EHD1: variants seen among roughly 807,000 people sequenced by gnomAD.
EHD1 encodes the protein EH domain containing 1.
Under a neutral mutation model 39.0 loss-of-function variants are expected in EHD1, and 19 were observed. The observed-to-expected ratio is 0.49, with a 90% CI of 0.34 to 0.72. The LOEUF (loss-of-function observed/expected upper bound fraction) is 0.72, where lower values mean the gene tolerates loss of function less well. EHD1 is among the 30% of genes least tolerant of loss of function. The probability of loss-of-function intolerance (pLI) is 0.01; values close to 1 mark genes in which losing one functional copy is unlikely to be tolerated. For missense variants in EHD1, 542 were observed against 751.5 expected (o/e 0.72, Z 3.26); for synonymous variants, 323 against 331.2 (o/e 0.98, Z 0.27).
chr11:64,858,866 C>T (rs1029298249), intron 3 of EHD1, among the ~76,000 whole-genome samples: 2 of 152,246 alleles, frequency 1.3e-5, no homozygotes, highest in African/African-American at 4.8e-5. Context: ...ATAGGTGCCA[C>T]CAGGCCTGGG....
At chr11:64,865,748 T>C (rs1409246563) in intron 2 of EHD1, among the ~76,000 whole-genome samples, 3 of 152,122 alleles carry the variant, frequency 2.0e-5, no homozygotes, top group African/African-American at 4.8e-5. Flanking sequence ...CCAACGAGCA[T>C]ATGAAAAAAC....
chr11:64,879,460 C>T, upstream of EHD1: 1 of 1,274,284 alleles, frequency 7.8e-7, no homozygotes, highest in Non-Finnish European at 1.1e-6. Flanking sequence ...ATCGGAAATT[C>T]CCTATGTGGG....
At chr11:64,863,105 T>C (rs1943732522) in intron 2 of EHD1, among the ~76,000 whole-genome samples, 1 of 152,084 alleles carries the variant, frequency 6.6e-6, no homozygotes, top group Non-Finnish European at 1.5e-5. Flanking sequence ...GCCACCCAAA[T>C]GTAGGCCGGC....
chr11:64,862,017 C>T (rs1437835927), intron 2 of EHD1, among the ~76,000 whole-genome samples: 3 of 152,170 alleles, frequency 2.0e-5, no homozygotes, highest in Non-Finnish European at 4.4e-5. Context: ...AAGCCATCCC[C>T]CCCACCTTAG....
At chr11:64,869,910 G>A (rs1177620860) in intron 2 of EHD1, among the ~76,000 whole-genome samples, 3 of 152,178 alleles carry the variant, frequency 2.0e-5, no homozygotes, top group African/African-American at 7.2e-5. Flanking sequence ...CCTCTGGGCC[G>A]GAGGGCTCAG....
chr11:64,858,112 G>C (rs1943673693), intron 3 of EHD1, among the ~76,000 whole-genome samples: 1 of 151,094 alleles, frequency 6.6e-6, no homozygotes, highest in Non-Finnish European at 1.5e-5. Flanking sequence ...GGCCTTAAGG[G>C]ATCCTCCTGC....
intron 4 of EHD1, 94 bp downstream of exon 4, chr11:64,855,228 C>G: frequency 1.3e-5 from 20 of 1,495,596 alleles, no homozygotes; most frequent in Non-Finnish European, 1.8e-5. Context: ...AGGCCCTTCC[C>G]CATGGAGATG....
At position 64,854,618 on chromosome 11, in the gene EHD1, C is replaced by A. The variant is rs968691483; in HGVS notation, c.1320G>T (p.Val440=). The A allele has an allele frequency of 6.2e-7, 1 of 1,613,934 alleles. No homozygotes were observed. Among genetic ancestry groups the A allele is most frequent in the Non-Finnish European group, 8.5e-7 (1 of 1,179,980 alleles). ...CGTAGGTGGGCTTGTCCTTGCCCAC[C>A]ACCCACTCCACGTCGTCGATGCCCT... ...AGEGIDDVEW[V]VGKDKPTYDE... is the part of the protein sequence containing the mutation. Residue 440 remains valine (V), a synonymous_variant, in exon 5 of 5, where the codon GTG becomes GTT. Transcript: ENST00000320631.
In EHD1 at chr11:64,859,765, G is replaced by A. The variant is rs1034419618; in HGVS notation, c.915+159C>T. 1.0e-5 allele frequency: 11 copies of A among 1,072,626 alleles called. No homozygotes were observed. The Admixed American group carries it at 1.7e-4, about 17-fold the overall frequency. 66.4% of individuals were successfully genotyped at this position (1,072,626 alleles called of 1,614,324 possible). On this transcript the variant is annotated intron_variant, in intron 3 of 4. Coordinates refer to ENST00000320631, the MANE Select transcript of EHD1 (RefSeq NM_006795.4). ...TAAGAGCAGGCTGCACGCGGGTGCTGACCAAAGACTGGTTTCTATAGAGGG... is the reference window on the plus strand; with the variant it reads ...TAAGAGCAGGCTGCACGCGGGTGCTAACCAAAGACTGGTTTCTATAGAGGG...
chr11:64,856,200 C>G (rs1943651691), intron 3 of EHD1: 2 of 153,540 alleles, frequency 1.3e-5, no homozygotes, highest in Admixed American at 1.3e-4. Flanking sequence ...TTCTGTTTCT[C>G]TGCAAGCCCC....
intron 3 of EHD1, 83 bp downstream of exon 3, chr11:64,859,841 G>T: frequency 6.6e-7 from 1 of 1,511,832 alleles, no homozygotes; most frequent in African/African-American, 1.4e-5. Flanking sequence ...AGGGTCTCGG[G>T]CAATCCTGGG....
At chr11:64,862,081 A>T (rs528116672) in intron 2 of EHD1, among the ~76,000 whole-genome samples, 1 of 151,968 alleles carries the variant, frequency 6.6e-6, no homozygotes, top group African/African-American at 2.4e-5. Flanking sequence ...GCTAATTTTT[A>T]AATTTTTATT....
In EHD1 at chr11:64,878,595, AG is replaced by A; in HGVS notation, c.-132del. On this transcript the variant is annotated 5_prime_UTR_variant, in exon 1 of 5. Transcript: ENST00000320631. Reference sequence around the variant, plus strand: ...CCCACACTGCGCAGGCGCACAGCCCAGCCCGTCGAAGCGCCCTCTGCCGAAT... The same window carrying A: ...CCCACACTGCGCAGGCGCACAGCCCACCCGTCGAAGCGCCCTCTGCCGAAT... 3 of 1,427,456 alleles carry A rather than the reference AG, an allele frequency of 2.1e-6. No homozygotes were observed. The highest frequency in any genetic ancestry group is 9.1e-7 in the Non-Finnish European group (1 of 1,096,574). 88.4% of individuals were successfully genotyped at this position (1,427,456 alleles called of 1,614,324 possible). A position where few individuals can be genotyped will look rare whatever the true frequency, so the allele number is the denominator to read the frequency against.
chr11:64,878,954 C>T (rs1943924332), upstream of EHD1: 22 of 1,007,792 alleles, frequency 2.2e-5, no homozygotes, highest in Non-Finnish European at 2.5e-5. Flanking sequence ...GTGGCCCCCC[C>T]ACACCCCCGC....
intron 3 of EHD1, among the ~76,000 whole-genome samples, chr11:64,857,480 C>T (rs1334422606): frequency 6.6e-6 from 1 of 152,174 alleles, no homozygotes; most frequent in Admixed American, 6.5e-5. Flanking sequence ...ACGCAGCCCT[C>T]TGTCCTCCAG....
intron 2 of EHD1, among the ~76,000 whole-genome samples, chr11:64,873,184 G>C (rs1943848527): frequency 2.0e-5 from 3 of 152,222 alleles, no homozygotes; most frequent in Non-Finnish European, 4.4e-5. Flanking sequence ...GCAGAATCTA[G>C]GCAGGAGTTT....
Position 64,868,672 on chromosome 11 carries a change from G to A in EHD1, c.502+5749C>T, listed in dbSNP as rs1471407874. Among the ~76,000 whole-genome samples the A allele has an allele frequency of 6.6e-6, 1 of 152,254 alleles. No homozygotes were observed. The highest frequency in any genetic ancestry group is 1.5e-5 in the Non-Finnish European group (1 of 68,046). On this transcript the variant is annotated intron_variant, in intron 2 of 4. Coordinates refer to ENST00000320631, the MANE Select transcript of EHD1 (RefSeq NM_006795.4). This position sits in a 1 kb window ranked among gnomAD's most constrained non-coding sequence, Gnocchi z 4.2. Reference sequence around the variant, plus strand: ...TGCCTGGGACCAGGAGTGACTATGAGGGGCACGGGAACTTTCAGGCGATGG... The same window carrying A: ...TGCCTGGGACCAGGAGTGACTATGAAGGGCACGGGAACTTTCAGGCGATGG...
chr11:64,872,638 C>G (rs1346324039), intron 2 of EHD1, among the ~76,000 whole-genome samples: 1 of 151,118 alleles, frequency 6.6e-6, no homozygotes, highest in Non-Finnish European at 1.5e-5. Context: ...ACTCCCTTAA[C>G]TCCTAGGTGC....
chr11:64,853,380 G>A lies in EHD1; in HGVS notation c.*953C>T, dbSNP rs1943604698. On this transcript the variant is annotated 3_prime_UTR_variant, in exon 5 of 5. Transcript: ENST00000320631. ...CCACCCACCACCACCTCCCACTGTG[G>A]AGGGTGCGTCCCAAAGCTCCAGTTA... The A allele has an allele frequency of 6.6e-6, 1 of 152,288 alleles. No individual in the cohort carries two copies. The highest frequency in any genetic ancestry group is 1.5e-5 in the Non-Finnish European group (1 of 68,094). The allele number at this position is 152,288 out of a possible 1,614,324, so 9.4% of individuals were successfully genotyped here.
Sources: gnomAD v4.1 joint callset for allele counts (sites outside exome capture counted in the v4.1 genomes callset) on GRCh38, gnomAD v4.1.1 for gene constraint, Gnocchi (gnomAD v3.1) non-coding constraint, MANE v1.5 for transcripts, NCBI Gene and HGNC (gene_info 2026-07-23, HGNC 2026-07-21) for gene names.